ZNF407: variants seen among roughly 807,000 people sequenced by gnomAD.
ZNF407 encodes zinc finger protein 407.
Under a neutral mutation model 131.2 loss-of-function variants are expected in ZNF407, and 17 were observed. That is an observed-to-expected ratio of 0.13 (90% CI 0.09 to 0.19). The LOEUF is 0.19. ZNF407 is among the 10% of genes least tolerant of loss of function. ZNF407 has a pLI of 1.00. For missense variants in ZNF407, 2,681 were observed against 2,830.6 expected, an observed-to-expected ratio of 0.95 and a Z score of 1.20; for synonymous variants, 1,156 against 1,062.0, an observed-to-expected ratio of 1.09 and a Z score of -1.72.
intron 8 of ZNF407, among the ~76,000 whole-genome samples, chr18:74,927,227 G>C (rs1248056844): frequency 6.6e-6 from 1 of 152,150 alleles, no homozygotes; most frequent in South Asian, 2.1e-4. Context: ...GTTGCTTGAG[G>C]ATGCATAACT....
intron 8 of ZNF407, among the ~76,000 whole-genome samples, chr18:74,938,758 A>G (rs767942270): frequency 6.6e-6 from 1 of 152,230 alleles, no homozygotes; most frequent in Non-Finnish European, 1.5e-5. Context: ...GCAGAGGGAG[A>G]AAACGTTCCC....
chr18:74,618,488 C>T (rs1211715905), intron 1 of ZNF407, among the ~76,000 whole-genome samples: 3 of 152,174 alleles, frequency 2.0e-5, no homozygotes, highest in Non-Finnish European at 2.9e-5. Flanking sequence ...ACTGTTAAAA[C>T]AAGTCACCTT....
intron 7 of ZNF407, among the ~76,000 whole-genome samples, chr18:74,895,429 C>T (rs1336367302): frequency 6.6e-6 from 1 of 152,058 alleles, no homozygotes; most frequent in Non-Finnish European, 1.5e-5. Context: ...CTGTTCTTTA[C>T]CACCATTTGA....
At chr18:74,991,635 T>G (rs908812730) in intron 8 of ZNF407, among the ~76,000 whole-genome samples, 6 of 152,232 alleles carry the variant, frequency 3.9e-5, no homozygotes, top group Non-Finnish European at 7.3e-5. Flanking sequence ...CTAAAATTTA[T>G]TCTTACCTTA....
At chr18:74,883,423 T>C (rs1179735633) in intron 6 of ZNF407, among the ~76,000 whole-genome samples, 1 of 152,220 alleles carries the variant, frequency 6.6e-6, no homozygotes, top group African/African-American at 2.4e-5. Context: ...TTTACCTTTT[T>C]ACCACAGAGT....
At chr18:74,799,011 A>G (rs1319755704) in intron 4 of ZNF407, among the ~76,000 whole-genome samples, 2 of 152,130 alleles carry the variant, frequency 1.3e-5, no homozygotes, top group Admixed American at 6.6e-5. Flanking sequence ...TGTAGTTAAC[A>G]TCAAATCATA....
At chr18:74,950,509 A>G (rs2145278735) in intron 8 of ZNF407, among the ~76,000 whole-genome samples, 1 of 152,324 alleles carries the variant, frequency 6.6e-6, no homozygotes, top group African/African-American at 2.4e-5. Context: ...AGCAGGGCTG[A>G]GGTAGAAAGA....
intron 3 of ZNF407, among the ~76,000 whole-genome samples, chr18:74,779,265 G>A (rs1007972224): frequency 6.0e-5 from 9 of 150,214 alleles, no homozygotes; most frequent in Non-Finnish European, 1.0e-4. Context: ...ACAGGTGCCC[G>A]CCACCACACC....
At chr18:74,679,083 A>T (rs745411727) in intron 3 of ZNF407, among the ~76,000 whole-genome samples, 1 of 152,182 alleles carries the variant, frequency 6.6e-6, no homozygotes, top group Non-Finnish European at 1.5e-5. Context: ...GGTTAAAAAA[A>T]CCATACCCTC....
chr18:74,777,727 C>A (rs1478638467), intron 3 of ZNF407, among the ~76,000 whole-genome samples: 2 of 93,356 alleles, frequency 2.1e-5, no homozygotes, highest in African/African-American at 5.9e-5. Flanking sequence ...GTTGATCGAT[C>A]GCACTCTCTC....
intron 3 of ZNF407, among the ~76,000 whole-genome samples, chr18:74,696,887 G>A (rs1469730076): frequency 6.6e-6 from 1 of 152,060 alleles, no homozygotes; most frequent in African/African-American, 2.4e-5. Flanking sequence ...TTTTTGTTAA[G>A]TTTTTCTAAT....
intron 1 of ZNF407, among the ~76,000 whole-genome samples, chr18:74,624,287 A>G (rs1274517545): frequency 1.3e-5 from 2 of 152,142 alleles, no homozygotes; most frequent in African/African-American, 2.4e-5. Context: ...TCCCAATTGG[A>G]TGATTTTTGA....
At chr18:74,756,161 G>A (rs1968958327) in intron 3 of ZNF407, among the ~76,000 whole-genome samples, 1 of 151,756 alleles carries the variant, frequency 6.6e-6, no homozygotes, top group South Asian at 2.1e-4. Flanking sequence ...CAAAGTCCTG[G>A]CATTACAGGC....
rs560288063 is a variant in ZNF407, at chr18:74,739,740, T to TA, written c.4803-41681dup. ...GTCCAATCTATTTTAGTTTTTGAGA[T>TA]AAAAAAATGCTCATTTAAAAAGTAA... is the stretch of plus-strand genomic sequence containing the variant. On this transcript the variant is annotated intron_variant, in intron 3 of 8. Transcript: ENST00000299687. 1.2e-4 allele frequency among the ~76,000 whole-genome samples: 19 copies of TA among 152,010 alleles called. No homozygotes were observed. The East Asian group carries it at 1.9e-3, about 15-fold the overall frequency.
intron 8 of ZNF407, among the ~76,000 whole-genome samples, chr18:75,024,293 G>T (rs925402723): frequency 6.6e-6 from 1 of 152,094 alleles, no homozygotes; most frequent in East Asian, 1.9e-4. Flanking sequence ...TAACTTACTC[G>T]CAGATACTGT....
chr18:74,845,199 A>C (rs993432224), intron 4 of ZNF407, among the ~76,000 whole-genome samples: 1 of 152,236 alleles, frequency 6.6e-6, no homozygotes, highest in Non-Finnish European at 1.5e-5. Flanking sequence ...ATAATAATTG[A>C]AAAGAAAGCA....
chr18:74,621,428 G>A (rs1983504852), intron 1 of ZNF407, among the ~76,000 whole-genome samples: 1 of 152,082 alleles, frequency 6.6e-6, no homozygotes, highest in Admixed American at 6.5e-5. Context: ...GATGTTGTGG[G>A]GGTTGCTGTC....
At chr18:74,608,258 C>T (rs766923253) in intron 1 of ZNF407, among the ~76,000 whole-genome samples, 17 of 152,150 alleles carry the variant, frequency 1.1e-4, no homozygotes, top group Non-Finnish European at 2.4e-4. Context: ...CCATTGATAT[C>T]CTTTTTTTCT....
chr18:74,733,120 CT>C (rs955552156), intron 3 of ZNF407, among the ~76,000 whole-genome samples: 4 of 151,080 alleles, frequency 2.6e-5, no homozygotes, highest in Admixed American at 6.6e-5. Flanking sequence ...GTCTCTTTGG[CT>C]TTTTTTTCAA....
Sources: gnomAD v4.1 joint callset for allele counts (sites outside exome capture counted in the v4.1 genomes callset) on GRCh38, gnomAD v4.1.1 for gene constraint, MANE v1.5 for transcripts, NCBI Gene and HGNC (gene_info 2026-07-23, HGNC 2026-07-21) for gene names.